Variants in CACHD1 observed in about 807,000 individuals in gnomAD.
CACHD1 encodes the protein cache domain containing 1, also known as VWFA and cache domain-containing protein 1.
CACHD1 carries 71 observed loss-of-function variants against 138.7 expected under a neutral mutation model. That is an observed-to-expected ratio of 0.51 (90% CI 0.42 to 0.62). CACHD1 has a LOEUF of 0.62. Ranked by LOEUF, CACHD1 falls within the 20% of genes least tolerant of loss-of-function variation. CACHD1 has a pLI of 0.00. For synonymous variants in CACHD1, 578 were observed against 591.5 expected (o/e 0.98, Z 0.33); for missense variants, 1,389 against 1,625.3 (o/e 0.85, Z 2.50).
At position 64,691,800 on chromosome 1, in the gene CACHD1, A is replaced by G. The variant is rs1410961947; in HGVS notation, c.*239A>G. On this transcript the variant is annotated 3_prime_UTR_variant, in exon 27 of 27. Transcript: ENST00000651257. ...TGGAGGGGAAATAAGCCTGATGAAC[A>G]GACCTGCCATAACACTAATGGAAGG... 7.5e-6 allele frequency: 4 copies of G among 531,098 alleles called. No homozygotes were observed. Among genetic ancestry groups the G allele is most frequent in the Non-Finnish European group, 1.4e-5 (4 of 294,110 alleles). 32.9% of individuals were successfully genotyped at this position (531,098 alleles called of 1,614,324 possible).
intron 4 of CACHD1, among the ~76,000 whole-genome samples, chr1:64,604,010 A>G (rs1372891538): frequency 6.6e-6 from 1 of 152,230 alleles, no homozygotes; most frequent in Non-Finnish European, 1.5e-5. Flanking sequence ...ATCCTTAAAC[A>G]TGAAGAACCA....
chr1:64,513,123 C>T (rs1257132133), intron 1 of CACHD1, among the ~76,000 whole-genome samples: 11 of 152,318 alleles, frequency 7.2e-5, no homozygotes, highest in African/African-American at 2.4e-4. Flanking sequence ...AAATTTACAG[C>T]AATATTTCTG....
In CACHD1 at chr1:64,629,341, C is replaced by T. The variant is rs774171379; in HGVS notation, c.518-14C>T. The T allele has an allele frequency of 6.2e-7, 1 of 1,613,142 alleles. No individual in the cohort carries two copies. Among genetic ancestry groups the T allele is most frequent in the East Asian group, 2.2e-5 (1 of 44,848 alleles). ...GGATTTGGTGGTTATATTTCATTTT[C>T]CTTACACCTCTAGTTCTTGCAGACA... On this transcript the variant is annotated splice_polypyrimidine_tract_variant and intron_variant, in intron 4 of 26. Transcript: ENST00000651257.
At chr1:64,664,475 C>A in intron 14 of CACHD1, 23 bp from the exon 15 acceptor site, 1 of 1,610,938 alleles carries the variant, frequency 6.2e-7, no homozygotes. Flanking sequence ...AGGATCCCTG[C>A]TATGTCTTCC....
intron 1 of CACHD1, among the ~76,000 whole-genome samples, chr1:64,525,414 G>A (rs747397279): frequency 6.6e-6 from 1 of 151,994 alleles, no homozygotes; most frequent in African/African-American, 2.4e-5. Context: ...TTTCCTCCCC[G>A]GTAAGATGAG....
At chr1:64,479,560 A>G (rs1054407800) in intron 1 of CACHD1, among the ~76,000 whole-genome samples, 2 of 152,154 alleles carry the variant, frequency 1.3e-5, no homozygotes, top group African/African-American at 4.8e-5. Context: ...AGGTGGGAGA[A>G]ATAGGCAGAG....
chr1:64,671,556 A>T lies in CACHD1; in HGVS notation c.2388-8A>T, dbSNP rs757772579. 15 of 1,613,672 alleles carry T rather than the reference A, an allele frequency of 9.3e-6. 1 individual carries two copies. In the East Asian group the frequency reaches 2.2e-4, roughly 24 times the overall value. On this transcript the variant is annotated splice_polypyrimidine_tract_variant and splice_region_variant and intron_variant, in intron 16 of 26. Transcript: ENST00000651257. Reference sequence around the variant, plus strand: ...CCTATTGTTCTCATTGATCTTTTTCACTTAAAGTACACAGCTGTCTTCTGG... The same window carrying T: ...CCTATTGTTCTCATTGATCTTTTTCTCTTAAAGTACACAGCTGTCTTCTGG...
At chr1:64,612,681 C>T (rs1388623372) in intron 4 of CACHD1, among the ~76,000 whole-genome samples, 1 of 152,050 alleles carries the variant, frequency 6.6e-6, no homozygotes, top group East Asian at 1.9e-4. Flanking sequence ...CACTCTGGAG[C>T]CCCACTCCTC....
At chr1:64,552,948 T>A (rs1418467966) in intron 2 of CACHD1, among the ~76,000 whole-genome samples, 1 of 152,210 alleles carries the variant, frequency 6.6e-6, no homozygotes, top group African/African-American at 2.4e-5. Flanking sequence ...TCTTTTTTAT[T>A]TGAACCAGAA....
chr1:64,623,507 A>G (rs538952861), intron 4 of CACHD1, among the ~76,000 whole-genome samples: 1 of 152,316 alleles, frequency 6.6e-6, no homozygotes, highest in South Asian at 2.1e-4. Context: ...CCAATCCTGC[A>G]GCTCTCAGAG....
intron 21 of CACHD1, among the ~76,000 whole-genome samples, chr1:64,676,681 A>G (rs1162900079): frequency 6.6e-6 from 1 of 152,154 alleles, no homozygotes; most frequent in Non-Finnish European, 1.5e-5. Context: ...ATGAGGTTTC[A>G]TCATGTTGCC....
chr1:64,544,630 C>G (rs77431019), intron 1 of CACHD1, among the ~76,000 whole-genome samples: 1 of 146,386 alleles, frequency 6.8e-6, no homozygotes, highest in Admixed American at 6.8e-5. Flanking sequence ...AGATGTTTGT[C>G]TTTTTTTTTT....
chr1:64,632,407 C>T (rs1262975493), intron 5 of CACHD1, among the ~76,000 whole-genome samples, 192 bp from the exon 6 acceptor site: 1 of 152,130 alleles, frequency 6.6e-6, no homozygotes, highest in African/African-American at 2.4e-5. Flanking sequence ...ACAGACACAC[C>T]TTGTTGTCTT....
intron 4 of CACHD1, among the ~76,000 whole-genome samples, chr1:64,619,851 A>G (rs1647848304): frequency 6.6e-6 from 1 of 152,196 alleles, no homozygotes; most frequent in Non-Finnish European, 1.5e-5. Flanking sequence ...TGCCTCCTCT[A>G]GTTATAATAA....
chr1:64,591,966 G>A (rs1647110018), intron 3 of CACHD1, among the ~76,000 whole-genome samples: 1 of 152,216 alleles, frequency 6.6e-6, no homozygotes, highest in African/African-American at 2.4e-5. Flanking sequence ...ATTTGCCAAA[G>A]GAGTTAGTTT....
At chr1:64,686,925 C>G (rs1332439938) in intron 26 of CACHD1, among the ~76,000 whole-genome samples, 1 of 152,080 alleles carries the variant, frequency 6.6e-6, no homozygotes, top group Non-Finnish European at 1.5e-5. Flanking sequence ...TCTGTGGCCA[C>G]GAGATGGTGA....
chr1:64,568,421 G>T (rs895977508), intron 2 of CACHD1, among the ~76,000 whole-genome samples: 1 of 151,996 alleles, frequency 6.6e-6, no homozygotes, highest in African/African-American at 2.4e-5. Flanking sequence ...AGAACTCCCG[G>T]ATCTCTCTTC....
intron 1 of CACHD1, among the ~76,000 whole-genome samples, chr1:64,549,593 C>T (rs1646743402): frequency 6.6e-6 from 1 of 152,096 alleles, no homozygotes. Flanking sequence ...AACTTGGCTT[C>T]ACTTATCTTC....
intron 2 of CACHD1, among the ~76,000 whole-genome samples, chr1:64,554,486 G>T (rs2100463336): frequency 6.6e-6 from 1 of 152,194 alleles, no homozygotes; most frequent in African/African-American, 2.4e-5. Context: ...GGCTGTCATG[G>T]GTCACTTGCT....
Sources: gnomAD v4.1 joint callset for allele counts (sites outside exome capture counted in the v4.1 genomes callset) on GRCh38, gnomAD v4.1.1 for gene constraint, MANE v1.5 for transcripts, NCBI Gene and HGNC (gene_info 2026-07-23, HGNC 2026-07-21) for gene names.